Variants in CLEC20A observed in about 807,000 individuals in gnomAD.
CLEC20A encodes putative C-type lectin domain family 20 member A.
intron 5 of CLEC20A, among the ~76,000 whole-genome samples, chr1:178,487,862 G>A (rs907541049): frequency 1.1e-4 from 17 of 152,356 alleles, no homozygotes; most frequent in African/African-American, 4.1e-4. Flanking sequence ...GAATCTGTAA[G>A]GAGGCCAGGA....
intron 7 of CLEC20A, 133 bp from the exon 8 acceptor site, chr1:178,479,748 G>A (rs556418602): frequency 1.0e-5 from 4 of 391,312 alleles, no homozygotes; most frequent in East Asian, 3.6e-5. Flanking sequence ...CCCTCCAGCT[G>A]CCTGACTTTT....
chr1:178,486,773 G>A (rs1649157227), intron 5 of CLEC20A: 2 of 398,614 alleles, frequency 5.0e-6, no homozygotes, highest in Non-Finnish European at 8.8e-6. Flanking sequence ...CTGGAGGGCT[G>A]GGACGCCGAG....
At chr1:178,494,202 C>G (rs530429943) in intron 2 of CLEC20A, among the ~76,000 whole-genome samples, 7 of 152,346 alleles carry the variant, frequency 4.6e-5, no homozygotes, top group Admixed American at 2.0e-4. Context: ...TGAGACCAGC[C>G]TGGGCAACAT....
intron 1 of CLEC20A, 41 bp from the exon 2 acceptor site, chr1:178,494,851 C>G (rs954148565): frequency 5.0e-6 from 2 of 398,928 alleles, no homozygotes; most frequent in Non-Finnish European, 8.8e-6. Context: ...TGTCCCCACC[C>G]CAGCCCCTAG....
intron 3 of CLEC20A, among the ~76,000 whole-genome samples, chr1:178,491,372 G>A (rs912969450): frequency 1.3e-5 from 2 of 152,112 alleles, no homozygotes; most frequent in African/African-American, 2.4e-5. Context: ...TCCCAAACTC[G>A]GACATGAGCC....
chr1:178,480,456 G>A (rs1648939869), intron 7 of CLEC20A: 1 of 152,230 alleles, frequency 6.6e-6, no homozygotes, highest in African/African-American at 2.4e-5. Context: ...GAGGAGTGCT[G>A]AAGGGCCCAG....
chr1:178,487,831 T>C (rs1218980194), intron 5 of CLEC20A, among the ~76,000 whole-genome samples: 2 of 152,200 alleles, frequency 1.3e-5, no homozygotes, highest in Non-Finnish European at 2.9e-5. Context: ...AAAAAGACAA[T>C]AATCCCTTTG....
At chr1:178,479,454 T>C in exon 8 of CLEC20A, 1 of 395,964 alleles carries the variant, frequency 2.5e-6, no homozygotes, top group Non-Finnish European at 4.5e-6. Context: ...AATCTTGTTC[T>C]ACTAGGGATT....
At chr1:178,488,939 GACT>G (rs2101870043) in intron 4 of CLEC20A, among the ~76,000 whole-genome samples, 1 of 152,148 alleles carries the variant, frequency 6.6e-6, no homozygotes, top group South Asian at 2.1e-4. Context: ...GAGAGGGAGT[GACT>G]TCTACCGGGT....
rs943926159 is a variant in CLEC20A, at chr1:178,491,730, C to T, written c.463+771G>A. Among the ~76,000 whole-genome samples, 10 of 152,340 alleles carry T rather than the reference C, an allele frequency of 6.6e-5. 2 individuals are homozygous for T. The East Asian group carries it at 1.2e-3, about 18-fold the overall frequency. On this transcript the variant is annotated intron_variant, in intron 3 of 7. Coordinates refer to ENST00000623247, the Ensembl canonical transcript of CLEC20A. ...AGAGCAGATTGAGTGAGTATATTGC[C>T]TCTGTCATAGATCTTCTCCATATCA...
intron 2 of CLEC20A, among the ~76,000 whole-genome samples, chr1:178,493,971 G>T (rs923674820): frequency 6.6e-6 from 1 of 152,308 alleles, no homozygotes; most frequent in African/African-American, 2.4e-5. Flanking sequence ...TCGAATAGGG[G>T]TGCAGAGGAG....
At chr1:178,495,588 C>T (rs927197993) in intron 1 of CLEC20A, among the ~76,000 whole-genome samples, 13 of 151,962 alleles carry the variant, frequency 8.6e-5, no homozygotes, top group African/African-American at 2.4e-4. Flanking sequence ...GAGCAAAGAA[C>T]GAGCCTCATT....
At chr1:178,490,123 T>C (rs753183313) in exon 4 of CLEC20A, 1 of 398,502 alleles carries the variant, frequency 2.5e-6, no homozygotes, top group Non-Finnish European at 4.4e-6. Context: ...GAGTACACTT[T>C]TGGGGAGTAG....
At chr1:178,492,974 C>T (rs887522267) in intron 2 of CLEC20A, among the ~76,000 whole-genome samples, 1 of 152,240 alleles carries the variant, frequency 6.6e-6, no homozygotes, top group African/African-American at 2.4e-5. Flanking sequence ...GGACAGGATT[C>T]TAAGTGCTGC....
At chr1:178,493,705 C>G (rs1649322195) in intron 2 of CLEC20A, 2 of 152,248 alleles carry the variant, frequency 1.3e-5, no homozygotes, top group African/African-American at 4.8e-5. Context: ...CAGGGGATCT[C>G]CCAGAGGGTG....
chr1:178,489,593 C>T (rs1649227456), intron 4 of CLEC20A, among the ~76,000 whole-genome samples: 3 of 152,030 alleles, frequency 2.0e-5, no homozygotes, highest in South Asian at 2.1e-4. Context: ...TCCCGTCCAC[C>T]GGGGCCCACT....
At chr1:178,497,172 G>A (rs761976207), upstream of CLEC20A, 16 of 391,310 alleles carry the variant, frequency 4.1e-5, no homozygotes, top group African/African-American at 1.0e-4. Flanking sequence ...TGGAGGATGC[G>A]GAAGAGATCC....
chr1:178,489,951 CAG>C, intron 4 of CLEC20A, 119 bp downstream of exon 4: 1 of 397,612 alleles, frequency 2.5e-6, no homozygotes, highest in Non-Finnish European at 4.4e-6. Flanking sequence ...AGTTACCCCT[CAG>C]AGTCTGGAAG....
chr1:178,488,275 G>A (rs1277116586), intron 5 of CLEC20A, among the ~76,000 whole-genome samples: 1 of 152,252 alleles, frequency 6.6e-6, no homozygotes, highest in African/African-American at 2.4e-5. Flanking sequence ...AAGGGAGTTT[G>A]ATGTGGCCCA....
Sources: gnomAD v4.1 joint callset for allele counts (sites outside exome capture counted in the v4.1 genomes callset) on GRCh38, gnomAD v4.1.1 for gene constraint, MANE v1.5 for transcripts, NCBI Gene and HGNC (gene_info 2026-07-23, HGNC 2026-07-21) for gene names.